Variants in ANO4 observed in about 807,000 individuals in gnomAD.
The protein encoded by ANO4 is anoctamin 4, also known as anoctamin-4.
Under a neutral mutation model 141.9 loss-of-function variants are expected in ANO4, and 69 were observed. That is an observed-to-expected ratio of 0.49 (90% confidence interval 0.40 to 0.59). The LOEUF (loss-of-function observed/expected upper bound fraction) is 0.59. ANO4 is among the 20% of genes least tolerant of loss of function. ANO4 has a pLI of 0.00. For missense variants in ANO4, 894 were observed against 1,162.2 expected (o/e 0.77, Z 3.36); for synonymous variants, 350 against 394.3 (o/e 0.89, Z 1.33).
At chr12:100,950,713 C>T (rs995902990) in intron 5 of ANO4, among the ~76,000 whole-genome samples, 3 of 152,104 alleles carry the variant, frequency 2.0e-5, no homozygotes, top group African/African-American at 4.8e-5. Context: ...TTTTCAGACA[C>T]GGGCCCCCAC....
At chr12:100,970,726 CTTCT>C (rs1566072175) in intron 5 of ANO4, among the ~76,000 whole-genome samples, 1 of 117,946 alleles carries the variant, frequency 8.5e-6, no homozygotes, top group Non-Finnish European at 1.7e-5. Flanking sequence ...TCCTTCCTTC[CTTCT>C]TTCTTTCGAC....
intron 1 of ANO4, among the ~76,000 whole-genome samples, chr12:100,901,051 G>A (rs2040570891): frequency 6.6e-6 from 1 of 152,136 alleles, no homozygotes; most frequent in African/African-American, 2.4e-5. Context: ...TTGACATGAT[G>A]TCTGGAATTT....
chr12:101,076,540 G>A (rs1006205938), intron 14 of ANO4, among the ~76,000 whole-genome samples: 1 of 152,252 alleles, frequency 6.6e-6, no homozygotes, highest in Middle Eastern at 3.4e-3. Context: ...ACTGAAGAAG[G>A]GTGATGGAAT....
chr12:100,742,850 G>T (rs1217702859), intron 3 of ANO4, among the ~76,000 whole-genome samples: 1 of 152,098 alleles, frequency 6.6e-6, no homozygotes, highest in Non-Finnish European at 1.5e-5. Context: ...AACTTCTATA[G>T]TAGATTCTCT....
chr12:100,737,187 C>T (rs1339179286), intron 2 of ANO4, among the ~76,000 whole-genome samples: 1 of 152,130 alleles, frequency 6.6e-6, no homozygotes, highest in East Asian at 1.9e-4. Flanking sequence ...GCAGGCCCGT[C>T]TTTAGGATGG....
chr12:101,008,935 T>A (rs938339818), intron 8 of ANO4, among the ~76,000 whole-genome samples: 1 of 152,188 alleles, frequency 6.6e-6, no homozygotes, highest in African/African-American at 2.4e-5. Context: ...TTTTGTGGCA[T>A]CTTCTGTTTC....
chr12:100,823,468 C>T (rs181975094), intron 1 of ANO4, among the ~76,000 whole-genome samples: 1 of 152,042 alleles, frequency 6.6e-6, no homozygotes, highest in East Asian at 1.9e-4. Context: ...TTCATTTTCC[C>T]TCTTGCTTTG....
At chr12:101,055,824 T>G (rs1038011819) in intron 14 of ANO4, among the ~76,000 whole-genome samples, 1 of 152,210 alleles carries the variant, frequency 6.6e-6, no homozygotes, top group Non-Finnish European at 1.5e-5. Flanking sequence ...ATGACTTATT[T>G]CAAGTTGGTT....
At chr12:100,821,097 C>T (rs772956055) in intron 1 of ANO4, among the ~76,000 whole-genome samples, 5 of 152,022 alleles carry the variant, frequency 3.3e-5, no homozygotes, top group Non-Finnish European at 7.4e-5. Context: ...GATTGGCTCA[C>T]GAATTCACCT....
At position 101,047,050 on chromosome 12, in the gene ANO4, G is replaced by A. The variant is rs192798067; in HGVS notation, c.1252-1291G>A. ...GGATCACCTGAGGTCAGGAGTTTGA[G>A]ACCAGCCTGGCCAACATGGTGAAAC... On this transcript the variant is annotated intron_variant, in intron 13 of 27. Transcript: ENST00000392977. Among the ~76,000 whole-genome samples the A allele has an allele frequency of 1.4e-3, 216 of 152,320 alleles. 1 individual carries two copies. The East Asian group carries it at 0.024, about 17-fold the overall frequency.
At position 101,086,855 on chromosome 12, in the gene ANO4, A is replaced by T. The variant is rs753572188; in HGVS notation, c.1701+31A>T. On this transcript the variant is annotated intron_variant, in intron 17 of 27. Transcript: ENST00000392977. ...TGAGCTGCAGTGGCTAGCCAAACGG[A>T]TCAAAATGTGTGGGCTGCAAGTGAC... 1.9e-6 allele frequency: 3 copies of T among 1,605,232 alleles called. No homozygotes were observed. In the East Asian group the frequency reaches 6.7e-5, roughly 36 times the overall value.
intron 5 of ANO4, among the ~76,000 whole-genome samples, chr12:100,946,326 G>A (rs1416149077): frequency 2.6e-5 from 4 of 152,144 alleles, no homozygotes; most frequent in East Asian, 1.9e-4. Context: ...AAGGGCATTC[G>A]GGTTGCCTGG....
At chr12:101,068,743 G>T in intron 14 of ANO4, 1 of 1,301,306 alleles carries the variant, frequency 7.7e-7, no homozygotes. Context: ...AAATGTTGCC[G>T]ATGACTATAT....
rs2039851409 is a variant in ANO4, at chr12:100,886,746, G to A, written c.-140-14900G>A. Among the ~76,000 whole-genome samples the A allele has an allele frequency of 2.6e-5, 4 of 152,138 alleles. No individual in the cohort carries two copies. The South Asian group carries it at 8.3e-4, about 32-fold the overall frequency. On this transcript the variant is annotated intron_variant, in intron 1 of 27. Coordinates refer to ENST00000392977, the MANE Select transcript of ANO4 (RefSeq NM_001286615.2). ...TGTGGCTGCTTTTGGGTCTACAGTA[G>A]CAGAGTTGAGTAGCTGCAACAGAGA...
chr12:100,908,437 G>A (rs2040945559), intron 2 of ANO4, among the ~76,000 whole-genome samples: 1 of 152,030 alleles, frequency 6.6e-6, no homozygotes, highest in African/African-American at 2.4e-5. Flanking sequence ...TACATATGTC[G>A]AGTATTGGTT....
chr12:100,806,837 G>A (rs1008974547), intron 1 of ANO4, among the ~76,000 whole-genome samples: 116 of 151,832 alleles, frequency 7.6e-4, no homozygotes, highest in African/African-American at 2.6e-3. Context: ...CCACTGCGCT[G>A]TCCAGGAGCT....
chr12:101,034,867 A>G (rs905924988), intron 9 of ANO4, among the ~76,000 whole-genome samples: 1 of 152,192 alleles, frequency 6.6e-6, no homozygotes, highest in Non-Finnish European at 1.5e-5. Context: ...AGATATCACA[A>G]CACACCCATG....
intron 9 of ANO4, among the ~76,000 whole-genome samples, chr12:101,022,041 C>CA (rs34942464): frequency 0.051 from 3,842 of 75,414 alleles, 223 homozygotes; most frequent in African/African-American, 0.12. Context: ...ATGACTCTGC[C>CA]AAAAAAAAAA....
At chr12:101,066,074 A>G in intron 14 of ANO4, among the ~76,000 whole-genome samples, 1 of 152,224 alleles carries the variant, frequency 6.6e-6, no homozygotes, top group East Asian at 1.9e-4. Flanking sequence ...TATTCATGAT[A>G]AAAACCCTCA....
Sources: allele counts gnomAD v4.1 joint callset (sites outside exome capture counted in the v4.1 genomes callset), GRCh38; gene constraint gnomAD v4.1.1; transcripts MANE v1.5; gene names NCBI Gene and HGNC (gene_info 2026-07-23, HGNC 2026-07-21).